UBAP1: variants seen among roughly 807,000 people sequenced by gnomAD.
UBAP1 encodes the protein ubiquitin-associated protein 1.
UBAP1 carries 5 observed loss-of-function variants against 39.0 expected under a neutral mutation model. The observed-to-expected ratio is 0.13, with a 90% confidence interval of 0.07 to 0.27. The LOEUF (loss-of-function observed/expected upper bound fraction) is 0.27, where lower values mean the gene tolerates loss of function less well. Ranked by LOEUF, UBAP1 falls within the 10% of genes least tolerant of loss-of-function variation. The pLI is 1.00. For missense variants in UBAP1, 490 were observed against 608.1 expected (o/e 0.81, Z 2.04); for synonymous variants, 211 against 225.1 (o/e 0.94, Z 0.56).
At chr9:34,213,737 G>C (rs1255672609) in intron 1 of UBAP1, among the ~76,000 whole-genome samples, 1 of 152,108 alleles carries the variant, frequency 6.6e-6, no homozygotes, top group Non-Finnish European at 1.5e-5. Context: ...AACTGTCACT[G>C]TTTGCTGACA....
intron 2 of UBAP1, among the ~76,000 whole-genome samples, chr9:34,228,665 G>A (rs1475572482): frequency 6.7e-6 from 1 of 149,766 alleles, no homozygotes; most frequent in African/African-American, 2.5e-5. Context: ...CGCCTCCTGG[G>A]TTCAAGTGAT....
intron 2 of UBAP1, among the ~76,000 whole-genome samples, chr9:34,226,105 T>TTGTGTGTGTG (rs74180553): frequency 1.2e-3 from 108 of 88,296 alleles, no homozygotes; most frequent in African/African-American, 4.3e-3. Flanking sequence ...TCCTACTCTA[T>TTGTGTGTGTG]TGTGTGTGTG....
At chr9:34,239,333 A>G (rs1012848244) in intron 3 of UBAP1, among the ~76,000 whole-genome samples, 2 of 152,214 alleles carry the variant, frequency 1.3e-5, no homozygotes, top group Non-Finnish European at 2.9e-5. Context: ...CTGGCCTACA[A>G]AGCAGCCTTA....
chr9:34,247,131 T>C (rs1299421319), intron 4 of UBAP1, among the ~76,000 whole-genome samples: 3 of 152,106 alleles, frequency 2.0e-5, no homozygotes, highest in Non-Finnish European at 4.4e-5. Context: ...CTGGAGTAAA[T>C]AAATTTGGTG....
intron 1 of UBAP1, among the ~76,000 whole-genome samples, chr9:34,194,448 G>A (rs1374647870): frequency 6.6e-6 from 1 of 151,770 alleles, no homozygotes; most frequent in Non-Finnish European, 1.5e-5. Context: ...CTCAGCAGCT[G>A]GGACCACAGG....
At chr9:34,215,323 CAT>C (rs150254096) in intron 1 of UBAP1, among the ~76,000 whole-genome samples, 5,733 of 147,758 alleles carry the variant, frequency 0.039, 205 homozygotes, top group East Asian at 0.15. Flanking sequence ...ATATATGTGT[CAT>C]ATATATATAT....
intron 1 of UBAP1, among the ~76,000 whole-genome samples, chr9:34,185,263 C>T (rs1481125175): frequency 2.0e-5 from 3 of 152,138 alleles, no homozygotes; most frequent in Non-Finnish European, 4.4e-5. Flanking sequence ...AATCTCAGTT[C>T]TTGGCCAGAC....
intron 1 of UBAP1, among the ~76,000 whole-genome samples, chr9:34,216,598 C>T (rs1832331158): frequency 6.6e-6 from 1 of 150,530 alleles, no homozygotes; most frequent in African/African-American, 2.4e-5. Flanking sequence ...CTCAAGTGAA[C>T]CTGATTAGCT....
chr9:34,194,565 C>T (rs879603639), intron 1 of UBAP1, among the ~76,000 whole-genome samples: 7 of 152,102 alleles, frequency 4.6e-5, no homozygotes, highest in South Asian at 2.1e-4. Flanking sequence ...CCTCCTGCCT[C>T]GGCCTCCCAA....
chr9:34,202,252 C>T (rs1294061112), intron 1 of UBAP1, among the ~76,000 whole-genome samples: 1 of 152,158 alleles, frequency 6.6e-6, no homozygotes, highest in Non-Finnish European at 1.5e-5. Flanking sequence ...GCAACCTCCA[C>T]CTCCGAGTAG....
intron 1 of UBAP1, among the ~76,000 whole-genome samples, chr9:34,202,660 TGTGTGTGTGTGTGTGTGTCCCC>T (rs1191080307): frequency 2.7e-5 from 4 of 147,568 alleles, no homozygotes; most frequent in Non-Finnish European, 1.5e-5. Context: ...TGTGTGTGTG[TGTGTGTGTGTGTGTGTGTCCCC>T]GTCCCCGTAT....
Position 34,206,718 on chromosome 9 carries a change from A to G in UBAP1, c.-7-14190A>G, listed in dbSNP as rs955655188. Among the ~76,000 whole-genome samples the G allele has an allele frequency of 7.2e-5, 11 of 152,174 alleles. No individual in the cohort carries two copies. In the East Asian group the frequency reaches 1.7e-3, roughly 24 times the overall value. ...TGTAGAGTGAAAATAGTATTTCTAC[A>G]TTTGGTCAGTTGCATAATGTTACTA... On this transcript the variant is annotated intron_variant, in intron 1 of 6. Coordinates refer to ENST00000297661, the MANE Select transcript of UBAP1 (RefSeq NM_016525.5).
intron 2 of UBAP1, chr9:34,223,982 A>G: frequency 2.4e-6 from 1 of 419,590 alleles, no homozygotes; most frequent in Non-Finnish European, 4.4e-6. Context: ...CAAAACGAGG[A>G]TTTATTTGCC....
chr9:34,217,455 C>T (rs56077803), intron 1 of UBAP1, among the ~76,000 whole-genome samples: 1,554 of 152,162 alleles, frequency 0.01, 20 homozygotes, highest in African/African-American at 0.031. Context: ...AGGCTGGTCT[C>T]GAATTCCTGA....
intron 3 of UBAP1, among the ~76,000 whole-genome samples, chr9:34,235,305 A>ATGTG (rs1182210532): frequency 8.4e-6 from 1 of 119,214 alleles, no homozygotes; most frequent in South Asian, 3.5e-4. Context: ...GTGTATATAT[A>ATGTG]TATGTGTGTG....
intron 1 of UBAP1, among the ~76,000 whole-genome samples, chr9:34,184,882 A>G (rs1050605039): frequency 6.6e-5 from 10 of 150,666 alleles, no homozygotes; most frequent in Admixed American, 6.6e-4. Context: ...TCGGCCTCCC[A>G]AAGTGCTGGG....
intron 1 of UBAP1, among the ~76,000 whole-genome samples, chr9:34,188,014 T>C (rs982780961): frequency 5.3e-5 from 8 of 151,758 alleles, no homozygotes; most frequent in Admixed American, 6.6e-5. Context: ...AGACTAGTGA[T>C]TACTTTGACT....
intron 1 of UBAP1, chr9:34,191,993 T>TA (rs1223925138): frequency 4.0e-5 from 6 of 151,224 alleles, no homozygotes; most frequent in Non-Finnish European, 8.8e-5. Flanking sequence ...TTTTTAAATT[T>TA]AAAAAAAATT....
chr9:34,182,786 C>T (rs1830164957), intron 1 of UBAP1, among the ~76,000 whole-genome samples: 1 of 151,710 alleles, frequency 6.6e-6, no homozygotes, highest in African/African-American at 2.4e-5. Flanking sequence ...TCTCTGCTCA[C>T]TGCAAGCTCC....
Sources: gnomAD v4.1 joint callset for allele counts (sites outside exome capture counted in the v4.1 genomes callset) on GRCh38, gnomAD v4.1.1 for gene constraint, MANE v1.5 for transcripts, NCBI Gene and HGNC (gene_info 2026-07-23, HGNC 2026-07-21) for gene names.